Variants in NUDCD3 observed in about 807,000 individuals in gnomAD.
The protein encoded by NUDCD3 is NudC domain containing 3.
In NUDCD3, 13 loss-of-function variants were observed where a neutral mutation model predicts 39.7. The observed-to-expected ratio is 0.33, with a 90% CI of 0.21 to 0.52. The LOEUF (loss-of-function observed/expected upper bound fraction) is 0.52, where lower values mean the gene tolerates loss of function less well. Among genes scored for constraint, NUDCD3 ranks in the 20% least tolerant of loss-of-function variants. The pLI, the probability that NUDCD3 is intolerant of heterozygous loss-of-function variation, is 0.96. For synonymous variants in NUDCD3, 175 were observed against 172.4 expected (o/e 1.02, Z -0.12); for missense variants, 453 against 458.1 (o/e 0.99, Z 0.10).
intron 2 of NUDCD3, among the ~76,000 whole-genome samples, chr7:44,470,468 TC>T (rs1187355257): frequency 6.6e-6 from 1 of 152,034 alleles, no homozygotes; most frequent in Non-Finnish European, 1.5e-5. Flanking sequence ...CGGTTTAAGG[TC>T]CCCCCAATGT....
chr7:44,413,609 T>C (rs1397507341), intron 3 of NUDCD3, among the ~76,000 whole-genome samples: 2 of 152,230 alleles, frequency 1.3e-5, no homozygotes, highest in African/African-American at 4.8e-5. Context: ...TAGATACTAT[T>C]TTTCATCTAT....
At position 44,400,474 on chromosome 7, in the gene NUDCD3, A is replaced by G. The variant is rs1585054312; in HGVS notation, c.786+3966T>C. ...GAGCTGAGGGTGGTGGCAGCAGCGC[A>G]GCTCTGGACGCCATCCCTTTGCATC... On this transcript the variant is annotated intron_variant, in intron 4 of 5. Transcript: ENST00000355451. Among the ~76,000 whole-genome samples, 5 of 152,352 alleles carry G rather than the reference A, an allele frequency of 3.3e-5. No individual in the cohort carries two copies. The East Asian group carries it at 9.6e-4, about 29-fold the overall frequency.
chr7:44,480,713 G>A (rs1331247980), intron 2 of NUDCD3, among the ~76,000 whole-genome samples: 2 of 152,026 alleles, frequency 1.3e-5, no homozygotes, highest in Admixed American at 6.6e-5. Context: ...AGGCTGAGGC[G>A]AGTGGATCAC....
chr7:44,380,140 A>G lies in NUDCD3; in HGVS notation c.*5871T>C, dbSNP rs549073026. On this transcript the variant is annotated 3_prime_UTR_variant, in exon 6 of 6. Transcript: ENST00000355451. ...GAATGCTTTCAGGTGGATGGTTTGG[A>G]TCTCTCCTCACCTGGCTGGTCAGGC... The G allele has an allele frequency of 6.6e-6, 1 of 152,164 alleles. No individual in the cohort carries two copies. The highest frequency in any genetic ancestry group is 2.4e-5 in the African/African-American group (1 of 41,392). The allele number at this position is 152,164 out of a possible 1,614,324, so 9.4% of individuals were successfully genotyped here.
chr7:44,386,206 A>C (rs747573070), intron 5 of NUDCD3, 85 bp from the exon 6 acceptor site: 2 of 1,449,652 alleles, frequency 1.4e-6, no homozygotes, highest in Non-Finnish European at 9.5e-7. Context: ...GCAGGTAGAG[A>C]GCCTTCTTGC....
intron 2 of NUDCD3, among the ~76,000 whole-genome samples, chr7:44,429,823 G>T (rs982155473): frequency 6.6e-6 from 1 of 152,096 alleles, no homozygotes; most frequent in African/African-American, 2.4e-5. Flanking sequence ...AGGGTGGGGG[G>T]AAGGAAACTA....
intron 5 of NUDCD3, among the ~76,000 whole-genome samples, chr7:44,389,706 G>A (rs1459318244): frequency 2.0e-5 from 3 of 152,166 alleles, no homozygotes; most frequent in Non-Finnish European, 4.4e-5. Context: ...CCTCACCGAC[G>A]TGCCCCAATA....
intron 2 of NUDCD3, among the ~76,000 whole-genome samples, chr7:44,479,756 C>A (rs1021412355): frequency 2.0e-5 from 3 of 152,162 alleles, no homozygotes; most frequent in Non-Finnish European, 4.4e-5. Context: ...TACAGAATAA[C>A]TACCTTAAAT....
At chr7:44,398,416 G>A (rs1798661380) in intron 4 of NUDCD3, among the ~76,000 whole-genome samples, 2 of 152,130 alleles carry the variant, frequency 1.3e-5, no homozygotes, top group Non-Finnish European at 2.9e-5. Context: ...CTTTGATGGT[G>A]CTCAATCATT....
intron 3 of NUDCD3, among the ~76,000 whole-genome samples, chr7:44,412,612 T>C (rs1391241296): frequency 6.6e-6 from 1 of 152,182 alleles, no homozygotes; most frequent in Non-Finnish European, 1.5e-5. Context: ...AATCATTTCA[T>C]TTCTGCAACA....
intron 2 of NUDCD3, among the ~76,000 whole-genome samples, chr7:44,461,240 G>T (rs1800005801): frequency 6.6e-6 from 1 of 152,302 alleles, no homozygotes; most frequent in South Asian, 2.1e-4. Flanking sequence ...CAGAAAATGG[G>T]TCTGGACCCT....
chr7:44,483,839 C>T (rs1800545090), intron 2 of NUDCD3, among the ~76,000 whole-genome samples: 1 of 152,170 alleles, frequency 6.6e-6, no homozygotes, highest in South Asian at 2.1e-4. Flanking sequence ...TGGCAGACAT[C>T]TCTACAAAAA....
rs1007155573 is a variant in NUDCD3 at position 44,480,829 on chromosome 7, C to A, written c.509+4139G>T. ...AGGTGGTGCACGCCTGTAGTCCCAG[C>A]TACTTGGGAGGCTGAGGTGGGAGGC... On this transcript the variant is annotated intron_variant, in intron 2 of 5. Transcript: ENST00000355451. Among the ~76,000 whole-genome samples, 5 of 150,992 alleles carry A rather than the reference C, an allele frequency of 3.3e-5. No individual in the cohort carries two copies. The Admixed American group carries it at 3.3e-4, about 10-fold the overall frequency.
intron 2 of NUDCD3, among the ~76,000 whole-genome samples, chr7:44,461,930 C>A (rs1455345701): frequency 6.6e-6 from 1 of 152,072 alleles, no homozygotes; most frequent in East Asian, 1.9e-4. Flanking sequence ...TTGGGATGGA[C>A]ACAGTTGGGA....
At chr7:44,405,822 G>C (rs1307117597) in intron 3 of NUDCD3, among the ~76,000 whole-genome samples, 1 of 152,084 alleles carries the variant, frequency 6.6e-6, no homozygotes, top group Admixed American at 6.6e-5. Context: ...TAAGAGACAC[G>C]GCCTCACTGC....
intron 4 of NUDCD3, among the ~76,000 whole-genome samples, chr7:44,399,273 C>G (rs1798679065): frequency 6.6e-6 from 1 of 152,226 alleles, no homozygotes; most frequent in African/African-American, 2.4e-5. Context: ...TTCAGCTCTT[C>G]CCTACTGGAA....
chr7:44,482,515 C>T (rs761274428), intron 2 of NUDCD3, among the ~76,000 whole-genome samples: 7 of 152,088 alleles, frequency 4.6e-5, no homozygotes, highest in African/African-American at 9.7e-5. Flanking sequence ...ACCAGGAGTT[C>T]GAGATTAGCC....
At chr7:44,462,693 T>G (rs572308511) in intron 2 of NUDCD3, among the ~76,000 whole-genome samples, 2 of 152,340 alleles carry the variant, frequency 1.3e-5, no homozygotes, top group African/African-American at 4.8e-5. Context: ...TGCCCTGCAT[T>G]ACCTTCACAC....
chr7:44,390,265 G>A (rs1585048370), intron 5 of NUDCD3, among the ~76,000 whole-genome samples: 1 of 152,168 alleles, frequency 6.6e-6, no homozygotes, highest in Admixed American at 6.5e-5. Flanking sequence ...TCAGGAGGCT[G>A]AGGCAGGAGA....
Sources: gnomAD v4.1 joint callset for allele counts (sites outside exome capture counted in the v4.1 genomes callset) on GRCh38, gnomAD v4.1.1 for gene constraint, MANE v1.5 for transcripts, NCBI Gene and HGNC (gene_info 2026-07-23, HGNC 2026-07-21) for gene names.